The following OR3A2 variants were observed in gnomAD, a reference collection of about 807,000 sequenced individuals.
OR3A2 encodes olfactory receptor 3A2.
For missense variants in OR3A2, 318 were observed against 392.8 expected (o/e 0.81, Z 1.61); for synonymous variants, 126 against 159.3 (o/e 0.79, Z 1.57).
At chr17:3,291,780 G>A (rs1270096923) in intron 3 of OR3A2, 1 of 1,613,614 alleles carries the variant, frequency 6.2e-7, no homozygotes. Flanking sequence ...TGAAAGCTTG[G>A]TTGAACCCAG....
At chr17:3,385,580 G>A (rs900774439) in intron 1 of OR3A2, among the ~76,000 whole-genome samples, 1 of 152,232 alleles carries the variant, frequency 6.6e-6, no homozygotes. Flanking sequence ...AATTCCATGG[G>A]TAGCCACTAA....
intron 2 of OR3A2, among the ~76,000 whole-genome samples, chr17:3,370,258 T>C (rs2049601357): frequency 6.6e-6 from 1 of 152,194 alleles, no homozygotes; most frequent in African/African-American, 2.4e-5. Flanking sequence ...TCTAAGAGGG[T>C]TGTATATTTC....
intron 3 of OR3A2, chr17:3,310,710 A>AC (rs1567550349): frequency 1.5e-5 from 8 of 546,300 alleles, no homozygotes; most frequent in South Asian, 5.5e-5. Context: ...CCAGTCCCTC[A>AC]CCTACAGCAG....
intron 2 of OR3A2, among the ~76,000 whole-genome samples, chr17:3,359,972 T>G (rs1156924077): frequency 1.3e-4 from 20 of 151,782 alleles, no homozygotes; most frequent in Admixed American, 6.6e-5. Context: ...TATTTCTAGT[T>G]TTAGATCCCT....
At chr17:3,299,023 C>T (rs1317520234) in intron 3 of OR3A2, among the ~76,000 whole-genome samples, 1 of 152,120 alleles carries the variant, frequency 6.6e-6, no homozygotes, top group Non-Finnish European at 1.5e-5. Flanking sequence ...CTCAAAGAGG[C>T]CTCCCCTCCA....
intron 2 of OR3A2, among the ~76,000 whole-genome samples, chr17:3,366,731 G>T (rs1199052518): frequency 2.0e-5 from 3 of 152,156 alleles, no homozygotes; most frequent in Admixed American, 6.5e-5. Flanking sequence ...AATGTAATCT[G>T]GTCAGTGTTC....
intron 3 of OR3A2, among the ~76,000 whole-genome samples, chr17:3,295,865 G>A (rs545690277): frequency 6.6e-6 from 1 of 152,202 alleles, no homozygotes; most frequent in East Asian, 1.9e-4. Context: ...GATGTAATAG[G>A]TATGAAAACG....
chr17:3,326,269 A>C (rs1414712930), intron 3 of OR3A2, among the ~76,000 whole-genome samples: 2 of 152,114 alleles, frequency 1.3e-5, no homozygotes, highest in Non-Finnish European at 2.9e-5. Context: ...ATGTATCTTT[A>C]TAATAGAATG....
chr17:3,327,975 T>G lies in OR3A2; in HGVS notation c.-85+8058A>C, dbSNP rs866587345. ...GTTACTGTAGCCTTGTAGTATAGTT[T>G]GAAGTCAGGTAGTGTGATGCCTCCA... On this transcript the variant is annotated intron_variant, in intron 3 of 4. Transcript: ENST00000573491. Among the ~76,000 whole-genome samples, 608 of 130,762 alleles carry G rather than the reference T, an allele frequency of 4.6e-3. 16 individuals carry two copies. The highest frequency in any genetic ancestry group is 0.012 in the Middle Eastern group (3 of 254). The allele number at this position is 130,762 out of a possible 152,430, so 85.8% of individuals were successfully genotyped here. A position where few individuals can be genotyped will look rare whatever the true frequency, so the allele number is the denominator to read the frequency against.
chr17:3,341,499 A>G (rs961842092), intron 2 of OR3A2, among the ~76,000 whole-genome samples: 3 of 151,946 alleles, frequency 2.0e-5, no homozygotes, highest in Admixed American at 1.3e-4. Flanking sequence ...TCTGTAAAGG[A>G]TTTTATTTCT....
chr17:3,292,697 C>T (rs951936788), intron 3 of OR3A2: 1 of 891,192 alleles, frequency 1.1e-6, no homozygotes, highest in Non-Finnish European at 1.7e-6. Context: ...GCCACGTTCC[C>T]TCTGTACAAG....
chr17:3,325,842 A>G (rs945864725), intron 3 of OR3A2, among the ~76,000 whole-genome samples: 1 of 151,988 alleles, frequency 6.6e-6, no homozygotes, highest in Non-Finnish European at 1.5e-5. Flanking sequence ...GGTTTATTAC[A>G]TAGGTAGATG....
intron 3 of OR3A2, among the ~76,000 whole-genome samples, chr17:3,334,963 T>C (rs779993711): frequency 2.0e-5 from 3 of 152,216 alleles, no homozygotes; most frequent in Non-Finnish European, 4.4e-5. Context: ...TTTGTCTCCA[T>C]TAGAAATCAC....
chr17:3,290,327 C>G (rs2048854115), intron 3 of OR3A2, among the ~76,000 whole-genome samples: 1 of 152,184 alleles, frequency 6.6e-6, no homozygotes. Flanking sequence ...TTCCTCCATT[C>G]TTTCTCATTT....
At chr17:3,330,639 A>G (rs2049223481) in intron 3 of OR3A2, among the ~76,000 whole-genome samples, 1 of 152,246 alleles carries the variant, frequency 6.6e-6, no homozygotes, top group South Asian at 2.1e-4. Context: ...TGAATACAGC[A>G]CACTGATGGG....
intron 2 of OR3A2, among the ~76,000 whole-genome samples, chr17:3,383,585 G>A (rs1286317627): frequency 6.6e-6 from 1 of 152,144 alleles, no homozygotes; most frequent in African/African-American, 2.4e-5. Context: ...CCTAAGAGGA[G>A]TTTGGGGAGT....
chr17:3,382,224 C>T (rs932726581), intron 2 of OR3A2, among the ~76,000 whole-genome samples: 2 of 152,180 alleles, frequency 1.3e-5, no homozygotes, highest in South Asian at 2.1e-4. Context: ...GCCACCGGCA[C>T]TCTATCTAAC....
chr17:3,318,710 C>A (rs1235197026), intron 3 of OR3A2, among the ~76,000 whole-genome samples: 1 of 152,186 alleles, frequency 6.6e-6, no homozygotes, highest in East Asian at 1.9e-4. Flanking sequence ...CAGTTTTTCA[C>A]TATTAAGAAC....
intron 2 of OR3A2, among the ~76,000 whole-genome samples, chr17:3,355,257 A>T (rs1459549117): frequency 1.3e-5 from 2 of 151,542 alleles, no homozygotes; most frequent in African/African-American, 4.9e-5. Flanking sequence ...GCTGAGGAAA[A>T]GAATGTGTAT....
Sources: allele counts gnomAD v4.1 joint callset (sites outside exome capture counted in the v4.1 genomes callset), GRCh38; gene constraint gnomAD v4.1.1; transcripts MANE v1.5; gene names NCBI Gene and HGNC (gene_info 2026-07-23, HGNC 2026-07-21).